The following UPRT variants were observed in gnomAD, a reference collection of about 807,000 sequenced individuals.
The protein encoded by UPRT is RP11-311P8.3.
UPRT carries 5 observed loss-of-function variants against 22.6 expected under a neutral mutation model. That is an observed-to-expected ratio of 0.22 (90% CI 0.12 to 0.47). The LOEUF (loss-of-function observed/expected upper bound fraction) is 0.47, where lower values mean the gene tolerates loss of function less well. Ranked by LOEUF, UPRT falls within the 20% of genes least tolerant of loss-of-function variation. The pLI, the probability that UPRT is intolerant of heterozygous loss-of-function variation, is 0.99. For missense variants in UPRT, 181 were observed against 239.9 expected (o/e 0.75, Z 1.62); for synonymous variants, 77 against 87.7 (o/e 0.88, Z 0.68).
At chrX:75,298,156 AT>A (rs1248674270) in intron 4 of UPRT, among the ~76,000 whole-genome samples, 315 of 97,007 alleles carry the variant, frequency 3.2e-3, no homozygotes, top group South Asian at 0.011. Flanking sequence ...TTAAAAAACA[AT>A]TTTTTTTTTT....
At chrX:75,220,831 T>C (rs925340345) in intron 4 of UPRT, among the ~76,000 whole-genome samples, 7 of 112,027 alleles carry the variant, frequency 6.2e-5, no homozygotes, top group Non-Finnish European at 1.1e-4. Context: ...TTAGTCCTTC[T>C]ACTTAAGATA....
intron 4 of UPRT, among the ~76,000 whole-genome samples, chrX:75,263,848 G>A (rs1211416969): frequency 1.8e-5 from 2 of 110,308 alleles, no homozygotes; most frequent in East Asian, 2.9e-4. Flanking sequence ...TTCGCTTGTG[G>A]GCATTTAGTG....
chrX:75,195,304 G>A (rs2082329826), intron 4 of UPRT, among the ~76,000 whole-genome samples: 1 of 112,696 alleles, frequency 8.9e-6, no homozygotes, highest in Non-Finnish European at 1.9e-5. Context: ...GCAAGCACAT[G>A]TGGCCAGGCT....
chrX:75,219,509 A>G (rs898648727), intron 4 of UPRT, among the ~76,000 whole-genome samples: 1 of 112,000 alleles, frequency 8.9e-6, no homozygotes, highest in African/African-American at 3.2e-5. Flanking sequence ...ATTCTAAACT[A>G]TGGAATGCTT....
intron 4 of UPRT, among the ~76,000 whole-genome samples, chrX:75,210,867 T>C (rs773987504): frequency 3.6e-5 from 4 of 111,219 alleles, no homozygotes; most frequent in South Asian, 3.9e-4. Flanking sequence ...GGAAGTTTTT[T>C]AGATTATGTT....
At chrX:75,247,515 C>G (rs1281452074) in intron 4 of UPRT, among the ~76,000 whole-genome samples, 1 of 111,675 alleles carries the variant, frequency 9.0e-6, no homozygotes, top group East Asian at 2.8e-4. Context: ...AACTGCAAAG[C>G]GGCAGTGAGG....
intron 4 of UPRT, among the ~76,000 whole-genome samples, chrX:75,242,373 A>G (rs2082491055): frequency 9.0e-6 from 1 of 111,218 alleles, no homozygotes; most frequent in Non-Finnish European, 1.9e-5. Flanking sequence ...AGGACTAAGT[A>G]TTAATAGAAA....
chrX:75,290,330 AG>A (rs201041893), intron 1 of UPRT, among the ~76,000 whole-genome samples: 8,867 of 111,855 alleles, frequency 0.079, 520 homozygotes, highest in African/African-American at 0.21. Flanking sequence ...TGTGTAGAAA[AG>A]GAGATGCTTA....
chrX:75,289,995 A>G (rs2082699771), intron 1 of UPRT, among the ~76,000 whole-genome samples: 1 of 112,226 alleles, frequency 8.9e-6, no homozygotes. Context: ...AAAAGAAACT[A>G]TCAACAGAGT....
At chrX:75,176,031 C>T (rs757351662) in intron 4 of UPRT, among the ~76,000 whole-genome samples, 40 of 111,449 alleles carry the variant, frequency 3.6e-4, no homozygotes, top group African/African-American at 1.0e-3. Flanking sequence ...AATTGACCCT[C>T]GAGTGATTCG....
chrX:75,156,409 A>C, exon 1 of UPRT: 1 of 699,080 alleles, frequency 1.4e-6, no homozygotes, highest in Non-Finnish European at 2.2e-6. Context: ...GAAGATTCGG[A>C]TGCATTCGCA....
intron 4 of UPRT, among the ~76,000 whole-genome samples, chrX:75,218,942 A>G (rs756211933): frequency 9.0e-6 from 1 of 110,783 alleles, no homozygotes; most frequent in Non-Finnish European, 1.9e-5. Context: ...AATGCTAAAT[A>G]ATGAGTTAAT....
intron 4 of UPRT, among the ~76,000 whole-genome samples, chrX:75,194,468 G>A (rs1489936020): frequency 1.8e-5 from 2 of 111,528 alleles, no homozygotes; most frequent in Non-Finnish European, 3.8e-5. Context: ...GCACAGCAGG[G>A]TGCATGCTCC....
In UPRT at chrX:75,163,502, G is replaced by A. The variant is rs146073221; in HGVS notation, c.-521+277G>A. ...AGTCCTGCCCACACTCAAGTGGAGGGGATTATGTAGGGTATATATACTAGA... is the reference window on the plus strand; with the variant it reads ...AGTCCTGCCCACACTCAAGTGGAGGAGATTATGTAGGGTATATATACTAGA... On this transcript the variant is annotated intron_variant, in intron 3 of 13. Transcript: ENST00000652605. Among the ~76,000 whole-genome samples the A allele has an allele frequency of 5.7e-3, 635 of 111,508 alleles. 4 individuals are homozygous for A. The highest frequency in any genetic ancestry group is 0.019 in the African/African-American group (596 of 30,699).
intron 4 of UPRT, among the ~76,000 whole-genome samples, chrX:75,266,078 G>A: frequency 9.0e-6 from 1 of 111,035 alleles, no homozygotes; most frequent in Non-Finnish European, 1.9e-5. Flanking sequence ...TCACAGAATT[G>A]GAAAAAACTA....
upstream of UPRT, among the ~76,000 whole-genome samples, chrX:75,271,156 G>GA (rs1453545026): frequency 6.3e-5 from 7 of 111,551 alleles, no homozygotes; most frequent in African/African-American, 9.8e-5. Flanking sequence ...CACAGAATTA[G>GA]AAAAAACAAT....
chrX:75,229,115 G>A (rs747817553), intron 4 of UPRT, among the ~76,000 whole-genome samples: 1 of 111,887 alleles, frequency 8.9e-6, no homozygotes, highest in Non-Finnish European at 1.9e-5. Flanking sequence ...TAATAATACT[G>A]CGCTGTAGAC....
At chrX:75,211,534 T>C (rs904640896) in intron 4 of UPRT, among the ~76,000 whole-genome samples, 4 of 111,309 alleles carry the variant, frequency 3.6e-5, no homozygotes, top group Non-Finnish European at 1.9e-5. Flanking sequence ...GGGTGATCCT[T>C]GTCAGAGCCA....
chrX:75,195,987 C>T (rs760677910), intron 4 of UPRT, among the ~76,000 whole-genome samples: 58 of 111,714 alleles, frequency 5.2e-4, no homozygotes, highest in Admixed American at 2.4e-3. Context: ...ATTGTTTTGG[C>T]TATTCTGTGT....
Sources: gnomAD v4.1 joint callset for allele counts (sites outside exome capture counted in the v4.1 genomes callset) on GRCh38, gnomAD v4.1.1 for gene constraint, MANE v1.5 for transcripts, NCBI Gene and HGNC (gene_info 2026-07-23, HGNC 2026-07-21) for gene names.